The following RTRAF variants were observed in gnomAD, a reference collection of about 807,000 sequenced individuals.
RTRAF encodes tRNA-splicing ligase complex subunit RTRAF.
In RTRAF, 14 loss-of-function variants were observed where a neutral mutation model predicts 34.4. The observed-to-expected ratio is 0.41, with a 90% CI of 0.27 to 0.64. The LOEUF is 0.64. Ranked by LOEUF, RTRAF falls within the 30% of genes least tolerant of loss-of-function variation. RTRAF has a pLI of 0.34. For missense variants in RTRAF, 291 were observed against 288.4 expected, an observed-to-expected ratio of 1.01 and a Z score of -0.06; for synonymous variants, 96 against 95.3, an observed-to-expected ratio of 1.01 and a Z score of -0.04.
intron 2 of RTRAF, among the ~76,000 whole-genome samples, chr14:51,993,167 ATTTT>A (rs1398807245): frequency 5.3e-5 from 8 of 152,124 alleles, no homozygotes; most frequent in Non-Finnish European, 1.2e-4. Context: ...CTTCAAGTTG[ATTTT>A]ATTATAATCT....
In RTRAF at chr14:52,007,276, C is replaced by T; in HGVS notation, c.*2760C>T. ...TAAAAGTGACCTATGTACATTAGGCCCTTTTATTAGATTACAAATTCAAGA... is the reference window on the plus strand; with the variant it reads ...TAAAAGTGACCTATGTACATTAGGCTCTTTTATTAGATTACAAATTCAAGA... On this transcript the variant is annotated 3_prime_UTR_variant, in exon 8 of 8. Transcript: ENST00000261700. 6.4e-6 allele frequency: 1 copy of T among 155,308 alleles called. No homozygotes were observed. Among genetic ancestry groups the T allele is most frequent in the Non-Finnish European group, 1.4e-5 (1 of 70,296 alleles). 9.6% of individuals were successfully genotyped at this position (155,308 alleles called of 1,614,324 possible). A position where few individuals can be genotyped will look rare whatever the true frequency, so the allele number is the denominator to read the frequency against.
Position 51,999,770 on chromosome 14 carries a change from C to T in RTRAF, c.436C>T (p.His146Tyr). The change falls in exon 5 of 8, where the codon CAT becomes TAT. Residue 146 changes from histidine to tyrosine, a missense_variant. Transcript: ENST00000261700. ...ALANLLQIQR[H>Y]DDYLVMLKAI... ...GGCTAACCTGCTTCAGATTCAGCGT[C>T]ATGATGATTACCTGGTAATGCTTAA... The T allele has an allele frequency of 2.5e-6, 4 of 1,610,170 alleles. No homozygotes were observed. Among genetic ancestry groups the T allele is most frequent in the Non-Finnish European group, 3.4e-6 (4 of 1,177,186 alleles).
chr14:52,002,474 G>A (rs1222060120), intron 6 of RTRAF, among the ~76,000 whole-genome samples: 1 of 152,218 alleles, frequency 6.6e-6, no homozygotes, highest in East Asian at 1.9e-4. Context: ...GGGACAGGGG[G>A]TTCTGTTGGA....
chr14:52,006,912 G>T lies in RTRAF; in HGVS notation c.*2396G>T. On this transcript the variant is annotated 3_prime_UTR_variant, in exon 8 of 8. Transcript: ENST00000261700. ...ATCTGGTAAGTTTCTGCCAAAGTAG[G>T]GCATTAAACATAATTATTTTTATAA... is the stretch of plus-strand genomic sequence containing the variant. The T allele has an allele frequency of 3.4e-6, 1 of 294,068 alleles. No individual in the cohort carries two copies. 18.2% of individuals were successfully genotyped at this position (294,068 alleles called of 1,614,324 possible). A position where few individuals can be genotyped will look rare whatever the true frequency, so the allele number is the denominator to read the frequency against.
Position 52,006,484 on chromosome 14 carries a change from G to C in RTRAF, c.*1968G>C. On this transcript the variant is annotated 3_prime_UTR_variant, in exon 8 of 8. Transcript: ENST00000261700. ...TGACTTTTGGTAAAACAAGTGGTGT[G>C]TCCTCTGGAACAGTTGGCCTTTTCA... The C allele has an allele frequency of 6.2e-7, 1 of 1,606,428 alleles. No individual in the cohort carries two copies. Among genetic ancestry groups the C allele is most frequent in the Non-Finnish European group, 8.5e-7 (1 of 1,175,274 alleles).
chr14:52,007,622 T>G lies in RTRAF; in HGVS notation c.*3106T>G. ...ACTTACTGCTTGATATATCCTTCCC[T>G]CCACCCAAACCCCAGAAAGTTCATT... On this transcript the variant is annotated 3_prime_UTR_variant, in exon 8 of 8. Coordinates refer to ENST00000261700, the MANE Select transcript of RTRAF (RefSeq NM_016039.3). 1.6e-6 allele frequency: 1 copy of G among 606,612 alleles called. No individual in the cohort carries two copies. The highest frequency in any genetic ancestry group is 2.9e-6 in the Non-Finnish European group (1 of 345,540). The allele number at this position is 606,612 out of a possible 1,614,324, so 37.6% of individuals were successfully genotyped here.
At chr14:51,998,221 A>G (rs369711779) in intron 3 of RTRAF, 50 of 239,114 alleles carry the variant, frequency 2.1e-4, no homozygotes, top group African/African-American at 4.9e-4. Flanking sequence ...TAAAAATATT[A>G]TATGAAATTA....
intron 3 of RTRAF, 41 bp downstream of exon 3, chr14:51,993,863 A>C (rs781062924): frequency 4.9e-6 from 6 of 1,222,634 alleles, no homozygotes; most frequent in Non-Finnish European, 5.9e-6. Context: ...GAGAGAGGAA[A>C]GATGGGAAAG....
chr14:52,010,659 GT>G lies in RTRAF; in HGVS notation c.*6146del. 2.0e-6 allele frequency: 1 copy of G among 510,540 alleles called. No individual in the cohort carries two copies. Among genetic ancestry groups the G allele is most frequent in the Admixed American group, 3.1e-5 (1 of 32,084 alleles). 31.6% of individuals were successfully genotyped at this position (510,540 alleles called of 1,614,324 possible). Reference sequence around the variant, plus strand: ...GACTAATATTGTTTATACCAGTCTTGTTTCCTCCTAATAAAATATAAGTGCC... The same window carrying G: ...GACTAATATTGTTTATACCAGTCTTGTTCCTCCTAATAAAATATAAGTGCC... On this transcript the variant is annotated 3_prime_UTR_variant, in exon 8 of 8. Coordinates refer to ENST00000261700, the MANE Select transcript of RTRAF (RefSeq NM_016039.3).
chr14:52,000,103 G>A (rs571964187), intron 5 of RTRAF, among the ~76,000 whole-genome samples: 43 of 152,170 alleles, frequency 2.8e-4, no homozygotes, highest in Middle Eastern at 3.4e-3. Flanking sequence ...TAATGTCTAA[G>A]ATGACACAGA....
Position 52,008,199 on chromosome 14 carries a change from G to GCTCT in RTRAF, c.*3688_*3691dup. ...CAAAAAACTGGTTTCTGCCTTAGGG[G>GCTCT]CTCTCTCTTGCTCCCTTTGAGGGAA... On this transcript the variant is annotated 3_prime_UTR_variant, in exon 8 of 8. Coordinates refer to ENST00000261700, the MANE Select transcript of RTRAF (RefSeq NM_016039.3). 2 of 394,770 alleles carry GCTCT rather than the reference G, an allele frequency of 5.1e-6. No individual in the cohort carries two copies. Among genetic ancestry groups the GCTCT allele is most frequent in the Non-Finnish European group, 9.1e-6 (2 of 220,684 alleles). The allele number at this position is 394,770 out of a possible 1,614,324, so 24.5% of individuals were successfully genotyped here.
At position 51,989,638 on chromosome 14, in the gene RTRAF, C is replaced by G. The variant is rs932495445; in HGVS notation, c.-2C>G. ...GGGGGACCAGAGCGAGAAGCGGGGA[C>G]CATGTTCCGACGCAAGTTGACGGCT... is the stretch of plus-strand genomic sequence containing the variant. On this transcript the variant is annotated 5_prime_UTR_variant, in exon 1 of 8. Coordinates refer to ENST00000261700, the MANE Select transcript of RTRAF (RefSeq NM_016039.3). The G allele has an allele frequency of 3.7e-6, 6 of 1,603,624 alleles. No homozygotes were observed. Among genetic ancestry groups the G allele is most frequent in the Non-Finnish European group, 4.3e-6 (5 of 1,175,532 alleles).
chr14:51,996,149 G>A (rs1036730698), intron 3 of RTRAF, among the ~76,000 whole-genome samples: 5 of 152,174 alleles, frequency 3.3e-5, no homozygotes, highest in Admixed American at 1.3e-4. Flanking sequence ...AATAAAAGAA[G>A]CTTGTGTGTG....
At chr14:52,003,044 G>C (rs894614125) in intron 6 of RTRAF, among the ~76,000 whole-genome samples, 14 of 152,188 alleles carry the variant, frequency 9.2e-5, no homozygotes, top group African/African-American at 3.4e-4. Context: ...TTGGAAGGCA[G>C]TGTAAGTAAA....
intron 3 of RTRAF, among the ~76,000 whole-genome samples, chr14:51,995,600 C>T (rs1370199943): frequency 6.6e-6 from 1 of 152,104 alleles, no homozygotes; most frequent in Non-Finnish European, 1.5e-5. Context: ...TTGTGTCTGT[C>T]ACAGTACCTG....
intron 5 of RTRAF, among the ~76,000 whole-genome samples, chr14:52,000,170 C>T (rs1455350832): frequency 2.0e-5 from 3 of 152,124 alleles, no homozygotes; most frequent in Non-Finnish European, 1.5e-5. Flanking sequence ...GTTTTTCCCA[C>T]ATTACCCTAC....
At position 52,007,594 on chromosome 14, in the gene RTRAF, C is replaced by T. The variant is rs1228171327; in HGVS notation, c.*3078C>T. ...GGCACTCATGGTCAGGCAAGCAGTA[C>T]AAACTTACTGCTTGATATATCCTTC... On this transcript the variant is annotated 3_prime_UTR_variant, in exon 8 of 8. Transcript: ENST00000261700. 9.1e-6 allele frequency: 5 copies of T among 547,674 alleles called. No homozygotes were observed. In the East Asian group the frequency reaches 1.3e-4, roughly 14 times the overall value. 33.9% of individuals were successfully genotyped at this position (547,674 alleles called of 1,614,324 possible).
Position 52,004,525 on chromosome 14 carries a change from G to A in RTRAF, c.*9G>A, listed in dbSNP as rs376531304. 3.4e-5 allele frequency: 54 copies of A among 1,608,938 alleles called. No homozygotes were observed. In the African/African-American group the frequency reaches 6.9e-4, roughly 21 times the overall value. On this transcript the variant is annotated 3_prime_UTR_variant, in exon 8 of 8. Transcript: ENST00000261700. ...GAAAAGTTGGAAGATGAACACTTGA[G>A]GACTTCAGCTTCTCACCTACTTAGT...
At chr14:51,992,660 A>G (rs910065235) in intron 2 of RTRAF, among the ~76,000 whole-genome samples, 3 of 152,172 alleles carry the variant, frequency 2.0e-5, no homozygotes, top group African/African-American at 7.2e-5. Flanking sequence ...ATGTTTGTTT[A>G]TATTACATTT....
Sources: allele counts gnomAD v4.1 joint callset (sites outside exome capture counted in the v4.1 genomes callset), GRCh38; gene constraint gnomAD v4.1.1; transcripts MANE v1.5; gene names NCBI Gene and HGNC (gene_info 2026-07-23, HGNC 2026-07-21).